NPTN: variants seen among roughly 807,000 people sequenced by gnomAD.
The protein encoded by NPTN is SDR-1.
Under a neutral mutation model 42.7 loss-of-function variants are expected in NPTN, and 5 were observed. That is an observed-to-expected ratio of 0.12 (90% CI 0.06 to 0.25). The LOEUF is 0.25. Among genes scored for constraint, NPTN ranks in the 10% least tolerant of loss-of-function variants. The pLI, the probability that NPTN is intolerant of heterozygous loss-of-function variation, is 1.00. For missense variants in NPTN, 307 were observed against 525.4 expected, an observed-to-expected ratio of 0.58 and a Z score of 4.06; for synonymous variants, 180 against 201.9, an observed-to-expected ratio of 0.89 and a Z score of 0.92.
chr15:73,600,902 G>C (rs1227249934), intron 1 of NPTN, among the ~76,000 whole-genome samples: 1 of 152,162 alleles, frequency 6.6e-6, no homozygotes, highest in Non-Finnish European at 1.5e-5. Context: ...ACTGCCTCTA[G>C]TTCTGATGAT....
chr15:73,569,923 C>G lies in NPTN; in HGVS notation c.1114+227G>C, dbSNP rs1348007415. On this transcript the variant is annotated intron_variant, in intron 6 of 8. Coordinates refer to ENST00000345330, the MANE Select transcript of NPTN (RefSeq NM_012428.4). This position sits in a 1 kb window ranked among gnomAD's most constrained non-coding sequence, Gnocchi z 4.1. ...AAAACACCCAAACAGAGGGAGAGAG[C>G]TAAGGACAGCTCTAGATGGCTAATG... is the stretch of plus-strand genomic sequence containing the variant. The G allele has an allele frequency of 8.2e-6, 4 of 488,674 alleles. No homozygotes were observed. The African/African-American group carries it at 8.5e-5, about 10-fold the overall frequency. The allele number at this position is 488,674 out of a possible 1,614,324, so 30.3% of individuals were successfully genotyped here.
intron 7 of NPTN, among the ~76,000 whole-genome samples, chr15:73,562,991 A>G (rs572139427): frequency 2.0e-5 from 3 of 149,382 alleles, no homozygotes; most frequent in South Asian, 2.1e-4. Context: ...CAAAATTTGA[A>G]AAAAAAAAAA....
chr15:73,573,673 C>T lies in NPTN; in HGVS notation c.829G>A (p.Gly277Arg), dbSNP rs1010429496. ...PDWIWRKKEN[G>R]MPMDIVNTSG... is the part of the protein sequence containing the mutation. ...TGCCTCCTACTCACCATGGGCATCC[C>T]GTTCTCCTTCTTGCGCCATATCCAG... The change falls in exon 5 of 9, where the codon GGG (glycine) becomes AGG (arginine). Residue 277 changes from glycine (G) to arginine (R), a missense_variant. This residue lies in a region of NPTN where 264 missense variants were observed against 491.1 expected (regional missense o/e 0.54). Coordinates refer to ENST00000345330, the MANE Select transcript of NPTN (RefSeq NM_012428.4). 6.3e-7 allele frequency: 1 copy of T among 1,578,618 alleles called. No homozygotes were observed. Among genetic ancestry groups the T allele is most frequent in the Non-Finnish European group, 8.6e-7 (1 of 1,165,272 alleles).
chr15:73,610,656 G>A (rs576342970), intron 1 of NPTN, among the ~76,000 whole-genome samples: 53 of 152,240 alleles, frequency 3.5e-4, no homozygotes, highest in African/African-American at 9.9e-4. Flanking sequence ...AATATGCCAC[G>A]GACCAGTGAT....
At chr15:73,604,367 A>T (rs1004462596) in intron 1 of NPTN, among the ~76,000 whole-genome samples, 8 of 152,066 alleles carry the variant, frequency 5.3e-5, no homozygotes, top group Non-Finnish European at 1.0e-4. Context: ...GAGGCAGGAG[A>T]ATCACCTGAG....
At position 73,620,528 on chromosome 15, in the gene NPTN, G is replaced by A. The variant is rs1299732877; in HGVS notation, c.91+12597C>T. Among the ~76,000 whole-genome samples the A allele has an allele frequency of 2.0e-5, 3 of 152,302 alleles. No homozygotes were observed. In the East Asian group the frequency reaches 5.8e-4, roughly 29 times the overall value. ...CCAAGGATTTGCAACATCCCACAAA[G>A]TAAGGAAAAGTCTTGCACAGTAAAG... On this transcript the variant is annotated intron_variant, in intron 1 of 8. Coordinates refer to ENST00000345330, the MANE Select transcript of NPTN (RefSeq NM_012428.4).
At chr15:73,577,709 A>C (rs1421952335) in intron 4 of NPTN, among the ~76,000 whole-genome samples, 1 of 152,144 alleles carries the variant, frequency 6.6e-6, no homozygotes, top group Non-Finnish European at 1.5e-5. Flanking sequence ...TGCTTGAGAT[A>C]TTTTGCAGAC....
chr15:73,606,074 A>C (rs1897285269), intron 1 of NPTN, among the ~76,000 whole-genome samples: 1 of 152,220 alleles, frequency 6.6e-6, no homozygotes, highest in Non-Finnish European at 1.5e-5. Flanking sequence ...AAAAATAAAA[A>C]GAAAATGCTA....
At chr15:73,604,851 C>T (rs1017165983) in intron 1 of NPTN, among the ~76,000 whole-genome samples, 6 of 152,092 alleles carry the variant, frequency 3.9e-5, no homozygotes, top group African/African-American at 1.2e-4. Context: ...TAAGGCCAGG[C>T]GCAGTGGCTC....
At chr15:73,564,210 G>T (rs764127445) in intron 6 of NPTN, among the ~76,000 whole-genome samples, 1 of 152,186 alleles carries the variant, frequency 6.6e-6, no homozygotes, top group Non-Finnish European at 1.5e-5. Flanking sequence ...CTCTTAGTTT[G>T]TTTTTATTAT....
Position 73,573,865 on chromosome 15 carries a change from T to C in NPTN, c.707-70A>G. ...AACAGGATACAAAGGCCCCACCTTC[T>C]GGCTCAGAGCCCTGCTTGTAATGTA... On this transcript the variant is annotated intron_variant, in intron 4 of 8. Coordinates refer to ENST00000345330, the MANE Select transcript of NPTN (RefSeq NM_012428.4). 3 of 1,568,170 alleles carry C rather than the reference T, an allele frequency of 1.9e-6. No individual in the cohort carries two copies. The East Asian group carries it at 7.0e-5, about 37-fold the overall frequency.
intron 1 of NPTN, among the ~76,000 whole-genome samples, chr15:73,613,501 T>C (rs1897694504): frequency 1.3e-5 from 2 of 152,092 alleles, no homozygotes; most frequent in South Asian, 2.1e-4. Context: ...AACAGTAATA[T>C]TTACAAAAGG....
At chr15:73,568,107 T>C in intron 6 of NPTN, 1 of 985,422 alleles carries the variant, frequency 1.0e-6, no homozygotes, top group Non-Finnish European at 1.2e-6. Context: ...AGAAAACTCT[T>C]ACAAAAAAAG....
chr15:73,598,393 G>A (rs914427971), intron 1 of NPTN, among the ~76,000 whole-genome samples: 2 of 151,904 alleles, frequency 1.3e-5, no homozygotes, highest in African/African-American at 2.4e-5. Context: ...AGGAACTAAA[G>A]TTGATGCCTA....
rs1245457593 is a variant in NPTN at position 73,597,744 on chromosome 15, T to C, written c.92-375A>G. On this transcript the variant is annotated intron_variant, in intron 1 of 8. Transcript: ENST00000345330. This position sits in a 1 kb window ranked among gnomAD's most constrained non-coding sequence, Gnocchi z 6.3. ...AGAACACAAACCATTTATTACCTTT[T>C]TAAACTCAGGCAAGTGATGAAAGAT... is the stretch of plus-strand genomic sequence containing the variant. Among the ~76,000 whole-genome samples, 1 of 152,210 alleles carries C rather than the reference T, an allele frequency of 6.6e-6. No homozygotes were observed. Among genetic ancestry groups the C allele is most frequent in the Non-Finnish European group, 1.5e-5 (1 of 68,032 alleles).
intron 5 of NPTN, among the ~76,000 whole-genome samples, chr15:73,572,962 A>C: frequency 6.6e-6 from 1 of 151,946 alleles, no homozygotes; most frequent in Non-Finnish European, 1.5e-5. Context: ...GGTTGTTTAA[A>C]AGTGTGTAGC....
At chr15:73,618,121 T>A (rs192355224) in intron 1 of NPTN, among the ~76,000 whole-genome samples, 1 of 152,242 alleles carries the variant, frequency 6.6e-6, no homozygotes, top group African/African-American at 2.4e-5. Flanking sequence ...ACAATCAATA[T>A]TCATTACTAG....
At chr15:73,586,945 G>A (rs183436066) in intron 4 of NPTN, among the ~76,000 whole-genome samples, 40 of 152,256 alleles carry the variant, frequency 2.6e-4, no homozygotes, top group Non-Finnish European at 5.6e-4. Context: ...ATGTTGGGTA[G>A]CTCCAACTTT....
intron 1 of NPTN, among the ~76,000 whole-genome samples, chr15:73,604,155 G>GA (rs1354879212): frequency 1.3e-5 from 2 of 151,920 alleles, no homozygotes; most frequent in Non-Finnish European, 2.9e-5. Context: ...TGACAAAAAA[G>GA]AAAAAAATTT....
Sources: gnomAD v4.1 joint callset for allele counts (sites outside exome capture counted in the v4.1 genomes callset) on GRCh38, gnomAD v4.1.1 for gene constraint, gnomAD v4.1.1 regional missense constraint, Gnocchi (gnomAD v3.1) non-coding constraint, MANE v1.5 for transcripts, NCBI Gene and HGNC (gene_info 2026-07-23, HGNC 2026-07-21) for gene names.